Variants in CAMSAP2 observed in about 807,000 individuals in gnomAD.
The protein encoded by CAMSAP2 is calmodulin regulated spectrin associated protein family member 2.
Under a neutral mutation model 146.1 loss-of-function variants are expected in CAMSAP2, and 26 were observed. The ratio of observed to expected loss-of-function variants is 0.18; its 90% CI spans 0.13 to 0.25. The LOEUF is 0.25. Among genes scored for constraint, CAMSAP2 ranks in the 10% least tolerant of loss-of-function variants. The pLI is 1.00. For synonymous variants in CAMSAP2, 499 were observed against 596.6 expected, an observed-to-expected ratio of 0.84 and a Z score of 2.38; for missense variants, 1,381 against 1,759.3, an observed-to-expected ratio of 0.78 and a Z score of 3.85.
Position 200,739,848 on chromosome 1 carries a change from C to T in CAMSAP2, c.21C>T (p.Pro7=). 10 of 1,614,072 alleles carry T rather than the reference C, an allele frequency of 6.2e-6. No homozygotes were observed. Among genetic ancestry groups the T allele is most frequent in the Non-Finnish European group, 7.6e-6 (9 of 1,179,988 alleles). MGDAAD[P]REMRKTFIVP... ...GAAAGATGGGGGATGCTGCAGACCC[C>T]AGGGAGATGAGAAAGACGTTCATTG... The change falls in exon 1 of 17, where the codon CCC becomes CCT. Residue 7 remains proline (P), a synonymous_variant. Coordinates refer to ENST00000358823, the MANE Select transcript of CAMSAP2 (RefSeq NM_203459.4). This position sits in a 1 kb window ranked among gnomAD's most constrained non-coding sequence, Gnocchi z 4.8.
At chr1:200,793,413 G>A (rs1290240426) in intron 2 of CAMSAP2, among the ~76,000 whole-genome samples, 3 of 151,992 alleles carry the variant, frequency 2.0e-5, no homozygotes, top group Non-Finnish European at 4.4e-5. Context: ...TAAATAACAT[G>A]TATAACTGAG....
chr1:200,778,867 T>A (rs187223822), intron 2 of CAMSAP2, among the ~76,000 whole-genome samples: 425 of 151,632 alleles, frequency 2.8e-3, no homozygotes, highest in African/African-American at 9.5e-3. Context: ...GTCCAAGCCA[T>A]TTTTTTTGCA....
intron 1 of CAMSAP2, among the ~76,000 whole-genome samples, chr1:200,740,416 TA>T: frequency 6.6e-6 from 1 of 152,324 alleles, no homozygotes; most frequent in South Asian, 2.1e-4. Flanking sequence ...TGATGGCTGC[TA>T]TTCAGGCTCC....
intron 6 of CAMSAP2, among the ~76,000 whole-genome samples, chr1:200,839,271 G>A (rs1160096384): frequency 6.6e-6 from 1 of 152,194 alleles, no homozygotes; most frequent in African/African-American, 2.4e-5. Flanking sequence ...GGGGAATGAT[G>A]TGACTCAGTG....
At chr1:200,812,225 T>C (rs888342821) in intron 3 of CAMSAP2, among the ~76,000 whole-genome samples, 2 of 152,226 alleles carry the variant, frequency 1.3e-5, no homozygotes, top group Admixed American at 1.3e-4. Context: ...GACCTTCTTC[T>C]TTTCAGTTTT....
chr1:200,741,190 G>T (rs7520984), intron 1 of CAMSAP2, among the ~76,000 whole-genome samples: 2 of 152,070 alleles, frequency 1.3e-5, no homozygotes, highest in Non-Finnish European at 2.9e-5. Flanking sequence ...GGGGAAACTT[G>T]ACATTGATGT....
At chr1:200,748,659 A>G (rs185130752) in intron 1 of CAMSAP2, among the ~76,000 whole-genome samples, 88 of 151,966 alleles carry the variant, frequency 5.8e-4, no homozygotes, top group African/African-American at 2.0e-3. Context: ...AAAGTCTCCT[A>G]CAGTTTGGAG....
chr1:200,816,879 C>CGCGCGTGTGT lies in CAMSAP2; in HGVS notation c.645+1235_645+1236insGCGCGTGTGT, dbSNP rs1666547082. Among the ~76,000 whole-genome samples, 2 of 76,478 alleles carry CGCGCGTGTGT rather than the reference C, an allele frequency of 2.6e-5. 1 individual carries two copies. Among genetic ancestry groups the CGCGCGTGTGT allele is most frequent in the Non-Finnish European group, 5.1e-5 (2 of 38,866 alleles). 50.2% of individuals were successfully genotyped at this position (76,478 alleles called of 152,430 possible). A position where few individuals can be genotyped will look rare whatever the true frequency, so the allele number is the denominator to read the frequency against. The stretch of plus-strand genomic sequence containing the variant: ...ACGCGTGTGTATGTGTGTACACACA[C>CGCGCGTGTGT]ACGCGTGTGTATGTGTGTACACACA... On this transcript the variant is annotated intron_variant, in intron 4 of 16. Coordinates refer to ENST00000358823, the MANE Select transcript of CAMSAP2 (RefSeq NM_203459.4).
chr1:200,817,204 AC>A (rs1666609416), intron 4 of CAMSAP2, among the ~76,000 whole-genome samples: 2 of 96,728 alleles, frequency 2.1e-5, no homozygotes, highest in Non-Finnish European at 4.1e-5. Flanking sequence ...GTGTGTGTAT[AC>A]ACACATACAC....
Position 200,753,289 on chromosome 1 carries a change from A to T in CAMSAP2, c.140-7550A>T, listed in dbSNP as rs535847055. Reference sequence around the variant, plus strand: ...CTCCAGCCTGGGCAACAGAGGCAAAACTCCATCTCAAAAAAAAAAAAAAAA... The same window carrying T: ...CTCCAGCCTGGGCAACAGAGGCAAATCTCCATCTCAAAAAAAAAAAAAAAA... On this transcript the variant is annotated intron_variant, in intron 1 of 16. Transcript: ENST00000358823. 2.5e-3 allele frequency among the ~76,000 whole-genome samples: 325 copies of T among 130,812 alleles called. 1 individual carries two copies. Among genetic ancestry groups the T allele is most frequent in the African/African-American group, 9.4e-3 (311 of 33,204 alleles). The allele number at this position is 130,812 out of a possible 152,430, so 85.8% of individuals were successfully genotyped here. A position where few individuals can be genotyped will look rare whatever the true frequency, so the allele number is the denominator to read the frequency against.
intron 2 of CAMSAP2, among the ~76,000 whole-genome samples, chr1:200,805,058 G>C (rs58755274): frequency 6.6e-6 from 1 of 152,000 alleles, no homozygotes; most frequent in South Asian, 2.1e-4. Context: ...TTTATCTATT[G>C]TCTCCAGGCT....
chr1:200,753,709 C>T (rs1043165697), intron 1 of CAMSAP2, among the ~76,000 whole-genome samples: 1 of 152,196 alleles, frequency 6.6e-6, no homozygotes. Flanking sequence ...TATCTTTTGG[C>T]TTTCTTCCCT....
At chr1:200,816,605 A>ATATATATAT (rs1553288218) in intron 4 of CAMSAP2, among the ~76,000 whole-genome samples, 11 of 111,214 alleles carry the variant, frequency 9.9e-5, no homozygotes, top group Admixed American at 9.2e-4. Context: ...AAAAAAAAAA[A>ATATATATAT]ATATATATAT....
In CAMSAP2 at chr1:200,848,431, A is replaced by G; in HGVS notation, c.1662A>G (p.Lys554=). Residue 554 remains lysine (K), a synonymous_variant, in exon 11 of 17, where the codon AAA becomes AAG. Transcript: ENST00000358823. ...TACAAATAATTCATGATACTGAAAAATCTCCTCATACACCTCAGCCAGACC... is the reference window on the plus strand; with the variant it reads ...TACAAATAATTCATGATACTGAAAAGTCTCCTCATACACCTCAGCCAGACC... The part of the protein sequence containing the change: ...EALQIIHDTE[K]SPHTPQPDQI... 6.2e-7 allele frequency: 1 copy of G among 1,613,888 alleles called. No homozygotes were observed. The highest frequency in any genetic ancestry group is 1.3e-5 in the African/African-American group (1 of 75,038).
At position 200,739,749 on chromosome 1, in the gene CAMSAP2, T is replaced by C; in HGVS notation, c.-79T>C. 1 of 864,874 alleles carries C rather than the reference T, an allele frequency of 1.2e-6. No individual in the cohort carries two copies. The allele number at this position is 864,874 out of a possible 1,614,324, so 53.6% of individuals were successfully genotyped here. A position where few individuals can be genotyped will look rare whatever the true frequency, so the allele number is the denominator to read the frequency against. On this transcript the variant is annotated 5_prime_UTR_variant, in exon 1 of 17. Coordinates refer to ENST00000358823, the MANE Select transcript of CAMSAP2 (RefSeq NM_203459.4). This position sits in a 1 kb window ranked among gnomAD's most constrained non-coding sequence, Gnocchi z 4.8. ...CCGATGGTTTGAGCTTGCTTCTCCC[T>C]CCCTCCCGACCCCCGTGGTGGCGAG...
chr1:200,815,597 C>A lies in CAMSAP2; in HGVS notation c.598C>A (p.Gln200Lys). The change falls in exon 4 of 17, where the codon CAA becomes AAA. Residue 200 changes from glutamine to lysine, a missense_variant. Transcript: ENST00000358823. Reference sequence around the variant, plus strand: ...TTTGAAAGACATAATGGAACAAGAACAAAAACTGAAAGAACATCACACAGT... The same window carrying A: ...TTTGAAAGACATAATGGAACAAGAAAAAAAACTGAAAGAACATCACACAGT... ...EHLKDIMEQE[Q>K]KLKEHHTVEA... 6.4e-7 allele frequency: 1 copy of A among 1,574,394 alleles called. No homozygotes were observed. The highest frequency in any genetic ancestry group is 8.6e-7 in the Non-Finnish European group (1 of 1,162,676).
intron 1 of CAMSAP2, among the ~76,000 whole-genome samples, chr1:200,756,464 GA>G (rs919266609): frequency 1.4e-5 from 2 of 142,990 alleles, no homozygotes; most frequent in African/African-American, 2.6e-5. Context: ...AAGAAAAAAA[GA>G]AAAAAAAAAG....
At chr1:200,835,224 A>C (rs1226175611) in intron 6 of CAMSAP2, among the ~76,000 whole-genome samples, 3 of 152,228 alleles carry the variant, frequency 2.0e-5, no homozygotes, top group African/African-American at 7.2e-5. Context: ...AATTTAAGAC[A>C]CTGAAGAACT....
intron 4 of CAMSAP2, among the ~76,000 whole-genome samples, chr1:200,817,279 T>TACACACATACAC (rs1345892408): frequency 7.3e-6 from 1 of 137,116 alleles, no homozygotes; most frequent in Non-Finnish European, 1.6e-5. Context: ...CATATATATA[T>TACACACATACAC]ATTTTCCCAG....
Sources: gnomAD v4.1 joint callset for allele counts (sites outside exome capture counted in the v4.1 genomes callset) on GRCh38, gnomAD v4.1.1 for gene constraint, Gnocchi (gnomAD v3.1) non-coding constraint, MANE v1.5 for transcripts, NCBI Gene and HGNC (gene_info 2026-07-23, HGNC 2026-07-21) for gene names.